Variants in ABL2 observed in about 807,000 individuals in gnomAD.
ABL2 encodes the protein ABL proto-oncogene 2, non-receptor tyrosine kinase, also known as tyrosine-protein kinase ABL2.
ABL2 carries 49 observed loss-of-function variants against 107.7 expected under a neutral mutation model. That is an observed-to-expected ratio of 0.45 (90% CI 0.36 to 0.58). ABL2 has a LOEUF of 0.58. Ranked by LOEUF, ABL2 falls within the 20% of genes least tolerant of loss-of-function variation. The probability of loss-of-function intolerance (pLI) is 0.00; values close to 1 mark genes in which losing one functional copy is unlikely to be tolerated. For synonymous variants in ABL2, 549 were observed against 548.6 expected, an observed-to-expected ratio of 1.00 and a Z score of -0.01; for missense variants, 1,245 against 1,457.0, an observed-to-expected ratio of 0.85 and a Z score of 2.37.
chr1:179,141,512 G>A (rs1657588329), intron 1 of ABL2, among the ~76,000 whole-genome samples: 1 of 152,120 alleles, frequency 6.6e-6, no homozygotes, highest in Admixed American at 6.5e-5. Context: ...GATATATGCA[G>A]GCCAAACAAT....
At chr1:179,133,094 T>C (rs1273652375) in intron 2 of ABL2, among the ~76,000 whole-genome samples, 1 of 152,056 alleles carries the variant, frequency 6.6e-6, no homozygotes, top group East Asian at 1.9e-4. Flanking sequence ...CCTGACCTTG[T>C]GATCTGCCCG....
At chr1:179,177,859 A>G (rs1296694030) in intron 1 of ABL2, among the ~76,000 whole-genome samples, 1 of 152,156 alleles carries the variant, frequency 6.6e-6, no homozygotes, top group Non-Finnish European at 1.5e-5. Flanking sequence ...TTCCGTAATG[A>G]ATTATGGTCC....
intron 1 of ABL2, among the ~76,000 whole-genome samples, chr1:179,185,789 A>G (rs1480804769): frequency 6.6e-6 from 1 of 152,220 alleles, no homozygotes; most frequent in African/African-American, 2.4e-5. Context: ...ATAAGAATAT[A>G]CAATGCTTTC....
At chr1:179,185,268 T>C (rs981071009) in intron 1 of ABL2, among the ~76,000 whole-genome samples, 5 of 152,194 alleles carry the variant, frequency 3.3e-5, no homozygotes, top group African/African-American at 9.7e-5. Flanking sequence ...ATGGCTTCTC[T>C]TTTGGCATGT....
At chr1:179,224,143 A>AAAAC (rs1663053069) in intron 1 of ABL2, among the ~76,000 whole-genome samples, 1 of 143,002 alleles carries the variant, frequency 7.0e-6, no homozygotes, top group Non-Finnish European at 1.6e-5. Flanking sequence ...ACAAAAAAAA[A>AAAAC]AAAAAAAAAA....
intron 8 of ABL2, among the ~76,000 whole-genome samples, chr1:179,115,890 A>G (rs753556222): frequency 3.0e-4 from 45 of 152,244 alleles, no homozygotes; most frequent in Non-Finnish European, 5.0e-4. Flanking sequence ...TTAGAATCCT[A>G]TGACTATTTC....
chr1:179,210,185 C>A (rs1558001082), intron 1 of ABL2, among the ~76,000 whole-genome samples: 4 of 152,068 alleles, frequency 2.6e-5, no homozygotes, highest in Non-Finnish European at 4.4e-5. Context: ...AAAGCAAATA[C>A]TTTAAATGAG....
intron 1 of ABL2, among the ~76,000 whole-genome samples, chr1:179,134,763 T>C (rs1354884589): frequency 6.6e-6 from 1 of 152,068 alleles, no homozygotes; most frequent in African/African-American, 2.4e-5. Flanking sequence ...CTTTCCACGG[T>C]CTCCCTCTGA....
intron 1 of ABL2, among the ~76,000 whole-genome samples, chr1:179,135,193 C>T (rs1287154590): frequency 1.1e-4 from 16 of 151,686 alleles, no homozygotes; most frequent in Non-Finnish European, 2.1e-4. Flanking sequence ...GGCCGCCCAT[C>T]GTCTGGGATG....
In ABL2 at chr1:179,229,413, C is replaced by T. The variant is rs2124889504; in HGVS notation, c.-16G>A. The stretch of plus-strand genomic sequence containing the variant: ...GCTGCCCCATCCCTGCTCTCGCGTA[C>T]TCCCGCGCCCCCGCCGACCCCTGGT... On this transcript the variant is annotated 5_prime_UTR_variant, in exon 1 of 12. Coordinates refer to ENST00000502732, the MANE Select transcript of ABL2 (RefSeq NM_007314.4). 1 of 1,494,026 alleles carries T rather than the reference C, an allele frequency of 6.7e-7. No individual in the cohort carries two copies. The highest frequency in any genetic ancestry group is 8.8e-7 in the Non-Finnish European group (1 of 1,132,920). The allele number at this position is 1,494,026 out of a possible 1,614,324, so 92.5% of individuals were successfully genotyped here.
At position 179,106,027 on chromosome 1, in the gene ABL2, A is replaced by T; in HGVS notation, c.*1691T>A. ...TTAAGAGATGAGGCTGTGGTTTGAC[A>T]GTGTATCAATGACAGAGCCAGAAGA... On this transcript the variant is annotated 3_prime_UTR_variant, in exon 12 of 12. Transcript: ENST00000502732. The T allele has an allele frequency of 4.6e-6, 1 of 218,958 alleles. No individual in the cohort carries two copies. Among genetic ancestry groups the T allele is most frequent in the Non-Finnish European group, 9.2e-6 (1 of 109,024 alleles). 13.6% of individuals were successfully genotyped at this position (218,958 alleles called of 1,614,324 possible). A position where few individuals can be genotyped will look rare whatever the true frequency, so the allele number is the denominator to read the frequency against.
rs1474958932 is a variant in ABL2 at position 179,105,900 on chromosome 1, A to G, written c.*1818T>C. On this transcript the variant is annotated 3_prime_UTR_variant, in exon 12 of 12. Coordinates refer to ENST00000502732, the MANE Select transcript of ABL2 (RefSeq NM_007314.4). ...TAATGGAAAACAATTCAGCATAACA[A>G]CACTGCACTAAAAGAGCTTTCCAGA... 4.5e-6 allele frequency: 1 copy of G among 223,570 alleles called. No individual in the cohort carries two copies. The highest frequency in any genetic ancestry group is 6.5e-5 in the East Asian group (1 of 15,350). 13.8% of individuals were successfully genotyped at this position (223,570 alleles called of 1,614,324 possible). A position where few individuals can be genotyped will look rare whatever the true frequency, so the allele number is the denominator to read the frequency against.
At position 179,224,134 on chromosome 1, in the gene ABL2, C is replaced by CAAAAA. The variant is rs1181284107; in HGVS notation, c.157+5102_157+5106dup. 6.1e-3 allele frequency among the ~76,000 whole-genome samples: 209 copies of CAAAAA among 34,442 alleles called. 12 individuals carry two copies. The highest frequency in any genetic ancestry group is 0.031 in the Middle Eastern group (1 of 32). 22.6% of individuals were successfully genotyped at this position (34,442 alleles called of 152,430 possible). ...CAAGAGAGTGAGACCCTACTCACTA[C>CAAAAA]AAAAAAAAAAAAAAAAAAAAAAAAC... On this transcript the variant is annotated intron_variant, in intron 1 of 11. Coordinates refer to ENST00000502732, the MANE Select transcript of ABL2 (RefSeq NM_007314.4).
intron 1 of ABL2, among the ~76,000 whole-genome samples, chr1:179,193,163 A>G (rs1057486981): frequency 3.3e-5 from 5 of 152,214 alleles, no homozygotes; most frequent in African/African-American, 1.2e-4. Context: ...AATGAGAACC[A>G]TAATTTTCAT....
At chr1:179,215,029 G>A (rs1040194940) in intron 1 of ABL2, among the ~76,000 whole-genome samples, 14 of 151,926 alleles carry the variant, frequency 9.2e-5, no homozygotes, top group African/African-American at 1.9e-4. Context: ...GTGTGGTGGC[G>A]GGCGCCTGTA....
In ABL2 at chr1:179,126,795, A is replaced by ATT; in HGVS notation, c.392-125_392-124dup. ...AAAGAATCTAGAACTTTTATGCCAA[A>ATT]TTTTTTTTTTAAATAATGAAAACAA... On this transcript the variant is annotated intron_variant, in intron 3 of 11. Coordinates refer to ENST00000502732, the MANE Select transcript of ABL2 (RefSeq NM_007314.4). This position sits in a 1 kb window ranked among gnomAD's most constrained non-coding sequence, Gnocchi z 4.4. 1 of 954,264 alleles carries ATT rather than the reference A, an allele frequency of 1.0e-6. No individual in the cohort carries two copies. Among genetic ancestry groups the ATT allele is most frequent in the Non-Finnish European group, 1.5e-6 (1 of 686,990 alleles). The allele number at this position is 954,264 out of a possible 1,614,324, so 59.1% of individuals were successfully genotyped here. A position where few individuals can be genotyped will look rare whatever the true frequency, so the allele number is the denominator to read the frequency against.
At chr1:179,201,909 G>A in intron 1 of ABL2, 1 of 1,294,034 alleles carries the variant, frequency 7.7e-7, no homozygotes, top group Non-Finnish European at 9.9e-7. Flanking sequence ...GCCCCTCAAT[G>A]TTGCCGACCT....
At chr1:179,135,610 G>A (rs1313192325) in intron 1 of ABL2, among the ~76,000 whole-genome samples, 6 of 151,564 alleles carry the variant, frequency 4.0e-5, no homozygotes, top group African/African-American at 1.5e-4. Context: ...GGGGGGGTCA[G>A]CCCCCCACCC....
At chr1:179,162,813 T>C (rs1043843743) in intron 1 of ABL2, among the ~76,000 whole-genome samples, 2 of 152,192 alleles carry the variant, frequency 1.3e-5, no homozygotes, top group African/African-American at 4.8e-5. Context: ...ATTCTCACAA[T>C]AATCCTATCA....
Sources: allele counts gnomAD v4.1 joint callset (sites outside exome capture counted in the v4.1 genomes callset), GRCh38; gene constraint gnomAD v4.1.1; non-coding constraint Gnocchi (gnomAD v3.1); transcripts MANE v1.5; gene names NCBI Gene and HGNC (gene_info 2026-07-23, HGNC 2026-07-21).